Variants in SLC25A13 observed in about 807,000 individuals in gnomAD.
The protein encoded by SLC25A13 is electrogenic aspartate/glutamate antiporter SLC25A13, mitochondrial.
A neutral mutation model predicts 85.5 loss-of-function variants in SLC25A13; 70 were observed. The observed-to-expected ratio is 0.82, with a 90% CI of 0.68 to 1.00. SLC25A13 has a LOEUF of 1.00. Among genes scored for constraint, SLC25A13 ranks in the 50% least tolerant of loss-of-function variants. The pLI is 0.00. For missense variants in SLC25A13, 765 were observed against 819.8 expected (o/e 0.93, Z 0.82); for synonymous variants, 259 against 288.7 (o/e 0.90, Z 1.04).
At chr7:96,210,037 T>C (rs1051996557) in intron 4 of SLC25A13, among the ~76,000 whole-genome samples, 1 of 152,200 alleles carries the variant, frequency 6.6e-6, no homozygotes, top group Non-Finnish European at 1.5e-5. Context: ...AATGTGTCTA[T>C]GGTTTCCCCT....
chr7:96,194,785 T>C (rs1424618415), intron 5 of SLC25A13, among the ~76,000 whole-genome samples: 1 of 152,202 alleles, frequency 6.6e-6, no homozygotes, highest in Non-Finnish European at 1.5e-5. Flanking sequence ...TCTTCTACTT[T>C]TGCAGTTTGA....
chr7:96,237,247 T>C (rs1287057941), intron 3 of SLC25A13, among the ~76,000 whole-genome samples: 3 of 152,220 alleles, frequency 2.0e-5, no homozygotes, highest in Admixed American at 6.5e-5. Context: ...TGCTTTGTGT[T>C]TGGCTTTCCA....
chr7:96,208,787 G>A (rs749218434), intron 5 of SLC25A13, 51 bp downstream of exon 5: 24 of 1,609,112 alleles, frequency 1.5e-5, no homozygotes, highest in Admixed American at 1.0e-4. Context: ...TTATAGGTGT[G>A]AGCCACCGTG....
At chr7:96,284,137 G>A (rs1313424843) in intron 2 of SLC25A13, among the ~76,000 whole-genome samples, 1 of 151,736 alleles carries the variant, frequency 6.6e-6, no homozygotes, top group African/African-American at 2.4e-5. Flanking sequence ...CTGAATTATA[G>A]GAAAAAGTAT....
intron 2 of SLC25A13, among the ~76,000 whole-genome samples, chr7:96,281,307 C>A (rs1303441268): frequency 6.6e-6 from 1 of 150,876 alleles, no homozygotes; most frequent in Non-Finnish European, 1.5e-5. Flanking sequence ...AGGAGAATCG[C>A]TTGAACCCGG....
intron 14 of SLC25A13, among the ~76,000 whole-genome samples, chr7:96,136,091 T>C (rs558342299): frequency 7.8e-4 from 118 of 152,246 alleles, no homozygotes; most frequent in African/African-American, 2.8e-3. Flanking sequence ...AGGGTAGACC[T>C]ACGTTATAAA....
chr7:96,286,815 C>T (rs895253659), intron 2 of SLC25A13, among the ~76,000 whole-genome samples: 1 of 152,152 alleles, frequency 6.6e-6, no homozygotes, highest in Non-Finnish European at 1.5e-5. Context: ...TCATTTTAAT[C>T]CCCTAGGAGC....
At chr7:96,160,898 CT>C (rs1272716766) in intron 13 of SLC25A13, among the ~76,000 whole-genome samples, 1 of 151,770 alleles carries the variant, frequency 6.6e-6, no homozygotes, top group African/African-American at 2.4e-5. Context: ...GCCTGGAGGA[CT>C]TTTTGAGAAA....
At chr7:96,246,466 A>G (rs1797191699) in intron 3 of SLC25A13, among the ~76,000 whole-genome samples, 2 of 136,304 alleles carry the variant, frequency 1.5e-5, no homozygotes, top group Admixed American at 1.5e-4. Context: ...GCACATAAGC[A>G]TAGGCACACA....
intron 3 of SLC25A13, among the ~76,000 whole-genome samples, chr7:96,253,219 T>G (rs1718646876): frequency 1.3e-5 from 2 of 152,120 alleles, no homozygotes; most frequent in African/African-American, 4.8e-5. Flanking sequence ...ATGAGGAGTT[T>G]TTCTTCACAT....
intron 14 of SLC25A13, among the ~76,000 whole-genome samples, chr7:96,141,071 A>T (rs1792541420): frequency 7.3e-6 from 1 of 137,072 alleles, no homozygotes. Flanking sequence ...CTAGGGCTAG[A>T]GTGTGGTGGT....
At chr7:96,132,968 C>CT (rs1465793930) in intron 14 of SLC25A13, among the ~76,000 whole-genome samples, 1 of 152,208 alleles carries the variant, frequency 6.6e-6, no homozygotes, top group Non-Finnish European at 1.5e-5. Flanking sequence ...CTGACTCAAA[C>CT]TGAGCTTGTG....
chr7:96,314,382 T>C (rs1800056841), intron 1 of SLC25A13, among the ~76,000 whole-genome samples: 1 of 152,098 alleles, frequency 6.6e-6, no homozygotes, highest in African/African-American at 2.4e-5. Context: ...TTCACCCAAT[T>C]AGAGGGTCTG....
At chr7:96,184,229 C>T (rs767645019) in intron 11 of SLC25A13, 48 bp downstream of exon 11, 11 of 1,610,194 alleles carry the variant, frequency 6.8e-6, no homozygotes, top group Middle Eastern at 1.6e-4. Flanking sequence ...AGAAACCAAA[C>T]CTTTGAGTGT....
intron 13 of SLC25A13, among the ~76,000 whole-genome samples, chr7:96,167,898 G>A (rs1793821360): frequency 6.6e-6 from 1 of 151,986 alleles, no homozygotes; most frequent in African/African-American, 2.4e-5. Context: ...AGGAGATTGA[G>A]ACCATCCTGG....
At chr7:96,150,854 A>C (rs1793009522) in intron 13 of SLC25A13, among the ~76,000 whole-genome samples, 2 of 152,106 alleles carry the variant, frequency 1.3e-5, no homozygotes, top group Admixed American at 1.3e-4. Flanking sequence ...CTAGCAAACT[A>C]ATATAGCAAC....
intron 11 of SLC25A13, among the ~76,000 whole-genome samples, chr7:96,180,581 G>C (rs1794383745): frequency 6.6e-6 from 1 of 152,128 alleles, no homozygotes; most frequent in African/African-American, 2.4e-5. Flanking sequence ...CACCCGCCTC[G>C]GTCTCCCAAA....
At chr7:96,319,793 G>A (rs1180771154) in intron 1 of SLC25A13, among the ~76,000 whole-genome samples, 1 of 151,968 alleles carries the variant, frequency 6.6e-6, no homozygotes, top group Non-Finnish European at 1.5e-5. Flanking sequence ...TATATGATGT[G>A]AGCCATCAGA....
chr7:96,250,891 A>G (rs2116865958), intron 3 of SLC25A13, among the ~76,000 whole-genome samples: 1 of 152,304 alleles, frequency 6.6e-6, no homozygotes, highest in African/African-American at 2.4e-5. Flanking sequence ...ATGTGCATGG[A>G]ACATTATGTG....
Sources: gnomAD v4.1 joint callset for allele counts (sites outside exome capture counted in the v4.1 genomes callset) on GRCh38, gnomAD v4.1.1 for gene constraint, MANE v1.5 for transcripts, NCBI Gene and HGNC (gene_info 2026-07-23, HGNC 2026-07-21) for gene names.